The following ITGAX variants were observed in gnomAD, a reference collection of about 807,000 sequenced individuals.
ITGAX encodes integrin alpha-X.
In ITGAX, 99 loss-of-function variants were observed where a neutral mutation model predicts 140.2. The observed-to-expected ratio is 0.71, with a 90% CI of 0.60 to 0.83. The LOEUF is 0.83. ITGAX is among the 40% of genes least tolerant of loss of function. The probability of loss-of-function intolerance (pLI) is 0.00; values close to 1 mark genes in which losing one functional copy is unlikely to be tolerated. For missense variants in ITGAX, 1,444 were observed against 1,482.0 expected (o/e 0.97, Z 0.42); for synonymous variants, 631 against 600.4 (o/e 1.05, Z -0.75).
Position 31,382,699 on chromosome 16 carries a change from T to A in ITGAX, c.*792T>A, listed in dbSNP as rs2081080719. ...AGTGAGATGCCTGCATGCTGGGTTC[T>A]GCACAGCTGGCCTCCCGCGTTGGGC... On this transcript the variant is annotated 3_prime_UTR_variant, in exon 30 of 30. Coordinates refer to ENST00000268296, the MANE Select transcript of ITGAX (RefSeq NM_000887.5). 1.7e-6 allele frequency: 1 copy of A among 571,952 alleles called. No homozygotes were observed. Among genetic ancestry groups the A allele is most frequent in the Non-Finnish European group, 3.1e-6 (1 of 317,962 alleles). The allele number at this position is 571,952 out of a possible 1,614,324, so 35.4% of individuals were successfully genotyped here. A position where few individuals can be genotyped will look rare whatever the true frequency, so the allele number is the denominator to read the frequency against.
chr16:31,372,169 G>GGT (rs996952070), intron 17 of ITGAX, among the ~76,000 whole-genome samples: 5 of 150,704 alleles, frequency 3.3e-5, no homozygotes, highest in Admixed American at 6.6e-5. Flanking sequence ...GAGGTCTGGG[G>GGT]GGGGGGAGGA....
intron 2 of ITGAX, chr16:31,356,404 C>T: frequency 2.0e-6 from 1 of 507,414 alleles, no homozygotes; most frequent in Non-Finnish European, 3.6e-6. Flanking sequence ...TGCTGGGATT[C>T]CAGGTGTGAG....
At chr16:31,355,416 G>T (rs755296738) in intron 1 of ITGAX, 125 bp downstream of exon 1, 1 of 991,926 alleles carries the variant, frequency 1.0e-6, no homozygotes, top group Non-Finnish European at 1.5e-6. Context: ...CAAGCCTGAG[G>T]GGGAGGCAGG....
At chr16:31,359,355 G>T (rs754703410) in intron 5 of ITGAX, among the ~76,000 whole-genome samples, 1 of 151,976 alleles carries the variant, frequency 6.6e-6, no homozygotes, top group African/African-American at 2.4e-5. Context: ...TAGTAGAGAC[G>T]GGGTTTCACC....
chr16:31,379,279 G>A (rs937657903), intron 23 of ITGAX, among the ~76,000 whole-genome samples: 18 of 151,952 alleles, frequency 1.2e-4, no homozygotes, highest in Non-Finnish European at 2.2e-4. Flanking sequence ...ATCATGCCTG[G>A]CTAATTTTTG....
chr16:31,377,178 C>T lies in ITGAX; in HGVS notation c.2706-4C>T, dbSNP rs1005162205. Reference sequence around the variant, plus strand: ...TGGCAACTGAGTCTCTCCTCTTTCTCCAGTGAGAACAACACTCCCAGGACC... The same window carrying T: ...TGGCAACTGAGTCTCTCCTCTTTCTTCAGTGAGAACAACACTCCCAGGACC... On this transcript the variant is annotated splice_polypyrimidine_tract_variant and splice_region_variant and intron_variant, in intron 22 of 29. Transcript: ENST00000268296. 1.2e-6 allele frequency: 2 copies of T among 1,613,836 alleles called. No homozygotes were observed. Among genetic ancestry groups the T allele is most frequent in the African/African-American group, 2.7e-5 (2 of 74,908 alleles).
In ITGAX at chr16:31,363,335, C is replaced by T. The variant is rs781480023; in HGVS notation, c.1671C>T (p.His557=). The change falls in exon 14 of 30, where the codon CAC becomes CAT. Residue 557 remains histidine (H), a synonymous_variant. Transcript: ENST00000268296. ...EENRGAVYLF[H]GVLGPSISPS... The stretch of plus-strand genomic sequence containing the variant: ...ACCGGGGTGCTGTCTACCTGTTTCA[C>T]GGAGTCTTGGGACCCAGCATCAGCC... The T allele has an allele frequency of 1.6e-4, 258 of 1,613,890 alleles. No individual in the cohort carries two copies. Among genetic ancestry groups the T allele is most frequent in the Non-Finnish European group, 2.0e-4 (239 of 1,179,940 alleles).
chr16:31,361,327 C>T (rs759513218), intron 9 of ITGAX, 114 bp downstream of exon 9: 110 of 1,191,862 alleles, frequency 9.2e-5, no homozygotes, highest in Admixed American at 2.0e-4. Flanking sequence ...CCTGCTTTCC[C>T]GGGACCCCGA....
In ITGAX at chr16:31,379,860, C is replaced by A. The variant is rs560912339; in HGVS notation, c.2972C>A (p.Pro991His). Residue 991 changes from proline to histidine, a missense_variant, in exon 25 of 30, where the codon CCC becomes CAC. Transcript: ENST00000268296. ...AVWMDVEVSH[P>H]QNPSLRCSSE... ...TGGATGGATGTGGAGGTCTCCCACC[C>A]CCAGGTACCCAAGGACTGCATGTGG... 370 of 1,613,890 alleles carry A rather than the reference C, an allele frequency of 2.3e-4. 6 individuals carry two copies. In the South Asian group the frequency reaches 3.8e-3, roughly 17 times the overall value.
chr16:31,381,292 C>T (rs1258742374), intron 29 of ITGAX, among the ~76,000 whole-genome samples: 3 of 152,140 alleles, frequency 2.0e-5, no homozygotes, highest in African/African-American at 2.4e-5. Context: ...GTTTGAATGT[C>T]GACATCACCA....
intron 14 of ITGAX, among the ~76,000 whole-genome samples, chr16:31,366,284 G>C (rs1316239688): frequency 6.6e-6 from 1 of 152,064 alleles, no homozygotes; most frequent in Non-Finnish European, 1.5e-5. Flanking sequence ...AGTGATCTTC[G>C]ATGTTGCTAT....
intron 14 of ITGAX, among the ~76,000 whole-genome samples, chr16:31,369,144 T>C (rs1351417479): frequency 6.6e-6 from 1 of 152,016 alleles, no homozygotes; most frequent in Non-Finnish European, 1.5e-5. Flanking sequence ...GACGGGGTGG[T>C]GGCCGGGCAG....
At chr16:31,369,737 T>C in intron 14 of ITGAX, among the ~76,000 whole-genome samples, 1 of 152,226 alleles carries the variant, frequency 6.6e-6, no homozygotes, top group East Asian at 1.9e-4. Flanking sequence ...CAGTAATTGG[T>C]AAATTTCTCT....
At position 31,380,597 on chromosome 16, in the gene ITGAX, A is replaced by T. The variant is rs761081305; in HGVS notation, c.3249A>T (p.Pro1083=). 1.2e-6 allele frequency: 2 copies of T among 1,614,264 alleles called. No homozygotes were observed. Among genetic ancestry groups the T allele is most frequent in the Admixed American group, 3.3e-5 (2 of 60,030 alleles). The change falls in exon 28 of 30, where the codon CCA becomes CCT. Residue 1083 remains proline (P), a synonymous_variant. Coordinates refer to ENST00000268296, the MANE Select transcript of ITGAX (RefSeq NM_000887.5). Reference sequence around the variant, plus strand: ...ACACATCCGTGTACTCCCAGCTTCCAGGACAGGAGGCATTTATGAGAGCTC... The same window carrying T: ...ACACATCCGTGTACTCCCAGCTTCCTGGACAGGAGGCATTTATGAGAGCTC... ...TFDTSVYSQL[P]GQEAFMRAQT... is the part of the protein sequence containing the mutation.
chr16:31,366,846 A>C (rs191102862), intron 14 of ITGAX, among the ~76,000 whole-genome samples: 36 of 152,348 alleles, frequency 2.4e-4, no homozygotes, highest in African/African-American at 6.7e-4. Flanking sequence ...CAAAACCTAG[A>C]AATGATTAAG....
rs925706092 is a variant in ITGAX, at chr16:31,361,677, C to G, written c.1013-159C>G. 37 of 861,540 alleles carry G rather than the reference C, an allele frequency of 4.3e-5. No individual in the cohort carries two copies. In the Admixed American group the frequency reaches 7.3e-4, roughly 17 times the overall value. 53.4% of individuals were successfully genotyped at this position (861,540 alleles called of 1,614,324 possible). Reference sequence around the variant, plus strand: ...ACATCCATGGAGCAGAGGGGGGCCCCGAAGTCGGAGCTGATCTGGAGGGCA... The same window carrying G: ...ACATCCATGGAGCAGAGGGGGGCCCGGAAGTCGGAGCTGATCTGGAGGGCA... On this transcript the variant is annotated intron_variant, in intron 9 of 29. Coordinates refer to ENST00000268296, the MANE Select transcript of ITGAX (RefSeq NM_000887.5).
chr16:31,373,445 C>T lies in ITGAX; in HGVS notation c.2508+55C>T, dbSNP rs754697673. 635 of 1,548,058 alleles carry T rather than the reference C, an allele frequency of 4.1e-4. 1 individual carries two copies. Among genetic ancestry groups the T allele is most frequent in the Admixed American group, 8.4e-4 (45 of 53,780 alleles). The stretch of plus-strand genomic sequence containing the variant: ...AGGGCTGGGCGTTAGCGTAGATTCC[C>T]GTGCGGTTCAGAACCCGGGCTGGGC... On this transcript the variant is annotated intron_variant, in intron 20 of 29. Coordinates refer to ENST00000268296, the MANE Select transcript of ITGAX (RefSeq NM_000887.5).
chr16:31,373,543 G>C (rs2080993383), intron 20 of ITGAX, among the ~76,000 whole-genome samples, 153 bp downstream of exon 20: 1 of 152,218 alleles, frequency 6.6e-6, no homozygotes, highest in African/African-American at 2.4e-5. Flanking sequence ...CGCAGTTTAA[G>C]GACACTGACT....
rs748774566 is a variant in ITGAX at position 31,380,670 on chromosome 16, C to T, written c.3276+46C>T. 8 of 1,608,372 alleles carry T rather than the reference C, an allele frequency of 5.0e-6. No individual in the cohort carries two copies. The African/African-American group carries it at 5.4e-5, about 11-fold the overall frequency. ...AGCGACCAGGCTGGAAAGAGGGCCC[C>T]TAGGGCTACATCTGTGGTGCTGGGT... On this transcript the variant is annotated intron_variant, in intron 28 of 29. Coordinates refer to ENST00000268296, the MANE Select transcript of ITGAX (RefSeq NM_000887.5).
Sources: gnomAD v4.1 joint callset for allele counts (sites outside exome capture counted in the v4.1 genomes callset) on GRCh38, gnomAD v4.1.1 for gene constraint, MANE v1.5 for transcripts, NCBI Gene and HGNC (gene_info 2026-07-23, HGNC 2026-07-21) for gene names.